The following VASN variants were observed in gnomAD, a reference collection of about 807,000 sequenced individuals.
VASN encodes the protein vasorin.
In VASN, 5 loss-of-function variants were observed where a neutral mutation model predicts 4.8. That is an observed-to-expected ratio of 1.03 (90% CI 0.54 to 2.17). The LOEUF is 2.17. Among genes scored for constraint, VASN ranks in the 30% most tolerant of loss-of-function variants. The pLI is 0.01. For synonymous variants in VASN, 499 were observed against 460.8 expected (o/e 1.08, Z -1.06); for missense variants, 927 against 948.8 (o/e 0.98, Z 0.30).
rs565386785 is a variant in VASN, at chr16:4,381,465, G to A, written c.588G>A (p.Ala196=). The part of the protein sequence containing the change: ...PGILDTANVE[A]LRLAGLGLQQ... ...TCCTGGACACTGCCAACGTGGAGGCGCTGCGGCTGGCTGGTCTGGGGCTGC... is the reference window on the plus strand; with the variant it reads ...TCCTGGACACTGCCAACGTGGAGGCACTGCGGCTGGCTGGTCTGGGGCTGC... The change falls in exon 2 of 2, where the codon GCG becomes GCA. Residue 196 remains alanine, a synonymous_variant. Coordinates refer to ENST00000304735, the MANE Select transcript of VASN (RefSeq NM_138440.3). The A allele has an allele frequency of 1.5e-5, 24 of 1,579,038 alleles. 1 individual carries two copies. The highest frequency in any genetic ancestry group is 1.7e-4 in the Middle Eastern group (1 of 5,978).
chr16:4,379,902 A>G (rs8050113), intron 1 of VASN, among the ~76,000 whole-genome samples: 1 of 135,270 alleles, frequency 7.4e-6, no homozygotes, highest in Non-Finnish European at 1.7e-5. Context: ...AAAAAAAAAT[A>G]CAAAAATTAG....
At chr16:4,375,237 C>T (rs1003589731) in intron 1 of VASN, among the ~76,000 whole-genome samples, 3 of 152,162 alleles carry the variant, frequency 2.0e-5, no homozygotes, top group Non-Finnish European at 2.9e-5. Flanking sequence ...ACTGAAGGCA[C>T]CCACCTGGGG....
intron 1 of VASN, 105 bp from the exon 2 acceptor site, chr16:4,380,764 C>G (rs904406637): frequency 7.9e-7 from 1 of 1,267,552 alleles, no homozygotes; most frequent in Non-Finnish European, 1.1e-6. Flanking sequence ...GGTTCTCTTG[C>G]ATTTGGGGGC....
chr16:4,380,932 C>G lies in VASN; in HGVS notation c.55C>G (p.Pro19Ala), dbSNP rs2054933071. Reference protein sequence around the residue: ...LPLLLLLALGPGVQGCPSGCQ... With the variant: ...LPLLLLLALGAGVQGCPSGCQ... ...GCTGCTCCTGCTACTGGCCCTGGGG[C>G]CTGGGGTGCAGGGCTGCCCATCCGG... is the stretch of plus-strand genomic sequence containing the variant. The change falls in exon 2 of 2, where the codon CCT becomes GCT. Residue 19 changes from proline to alanine, a missense_variant. Pro to Ala is a conservative substitution (Grantham distance 27). Transcript: ENST00000304735. The G allele has an allele frequency of 6.3e-7, 1 of 1,588,596 alleles. No individual in the cohort carries two copies. Among genetic ancestry groups the G allele is most frequent in the Non-Finnish European group, 8.5e-7 (1 of 1,171,108 alleles).
rs1183677476 is a variant in VASN, at chr16:4,382,840, C to T, written c.1963C>T (p.Leu655Phe). ...LPSGSECEVP[L>F]MGFPGPGLQS... The stretch of plus-strand genomic sequence containing the variant: ...CAGCGGGTCTGAGTGTGAGGTGCCA[C>T]TCATGGGCTTCCCAGGGCCTGGCCT... The change falls in exon 2 of 2, where the codon CTC becomes TTC. Residue 655 changes from leucine to phenylalanine, a missense_variant. Leu to Phe is a conservative substitution (Grantham distance 22, BLOSUM62 0). Coordinates refer to ENST00000304735, the MANE Select transcript of VASN (RefSeq NM_138440.3). 9 of 1,595,026 alleles carry T rather than the reference C, an allele frequency of 5.6e-6. No individual in the cohort carries two copies. The highest frequency in any genetic ancestry group is 4.0e-5 in the African/African-American group (3 of 74,254).
rs143265649 is a variant in VASN, at chr16:4,381,886, C to T, written c.1009C>T (p.Arg337Trp). 2.9e-5 allele frequency: 46 copies of T among 1,604,972 alleles called. No individual in the cohort carries two copies. In the Admixed American group the frequency reaches 3.0e-4, roughly 10 times the overall value. The change falls in exon 2 of 2, where the codon CGG (arginine) becomes TGG (tryptophan). Residue 337 changes from arginine (R) to tryptophan (W), a missense_variant. Coordinates refer to ENST00000304735, the MANE Select transcript of VASN (RefSeq NM_138440.3). ...CCACTTCCCGCCCAAGAACGCTGGC[C>T]GGCTGCTCCTGGAGCTTGACTACGC... ...RCHFPPKNAG[R>W]LLLELDYADF...
chr16:4,381,213 G>A lies in VASN; in HGVS notation c.336G>A (p.Leu112=), dbSNP rs145408407. The change falls in exon 2 of 2, where the codon CTG becomes CTA. Residue 112 remains leucine (L), a synonymous_variant. Transcript: ENST00000304735. ...LSNLDLTANR[L]HEITNETFRG... The stretch of plus-strand genomic sequence containing the variant: ...ACCTGGACCTGACAGCCAACAGGCT[G>A]CATGAAATCACCAATGAGACCTTCC... 30 of 1,611,964 alleles carry A rather than the reference G, an allele frequency of 1.9e-5. No individual in the cohort carries two copies. In the African/African-American group the frequency reaches 3.1e-4, roughly 16 times the overall value.
chr16:4,381,336 C>T lies in VASN; in HGVS notation c.459C>T (p.Leu153=). ...AFDTLDRLLE[L]KLQDNELRAL... ...ACACGCTCGACCGCCTCCTGGAGCT[C>T]AAGCTGCAGGACAACGAGCTGCGGG... Residue 153 remains leucine (L), a synonymous_variant, in exon 2 of 2, where the codon CTC becomes CTT. Transcript: ENST00000304735. The T allele has an allele frequency of 6.2e-7, 1 of 1,609,330 alleles. No individual in the cohort carries two copies. The highest frequency in any genetic ancestry group is 1.7e-5 in the Admixed American group (1 of 59,746).
In VASN at chr16:4,383,026, C is replaced by G. The variant is rs1256670293; in HGVS notation, c.*127C>G. The G allele has an allele frequency of 9.4e-7, 1 of 1,061,842 alleles. No individual in the cohort carries two copies. The highest frequency in any genetic ancestry group is 1.3e-6 in the Non-Finnish European group (1 of 757,122). The allele number at this position is 1,061,842 out of a possible 1,614,324, so 65.8% of individuals were successfully genotyped here. On this transcript the variant is annotated 3_prime_UTR_variant, in exon 2 of 2. Transcript: ENST00000304735. ...GATGTGTGCAGACAGGGCTGTGTGA[C>G]CACAGCTGGGCCCTGTTCCCTCTGG...
chr16:4,381,134 ACCAGATCG>A lies in VASN; in HGVS notation c.262_269del (p.Ile88ProfsTer24). 3 of 1,610,280 alleles carry A rather than the reference ACCAGATCG, an allele frequency of 1.9e-6. No individual in the cohort carries two copies. The highest frequency in any genetic ancestry group is 2.5e-6 in the Non-Finnish European group (3 of 1,178,938). On this transcript the variant is annotated frameshift_variant, in exon 2 of 2. Coordinates refer to ENST00000304735, the MANE Select transcript of VASN (RefSeq NM_138440.3). LOFTEE classifies it low-confidence loss of function (END_TRUNC). Reference sequence around the variant, plus strand: ...CTGCAGCTCCTGGACCTGTCACAGAACCAGATCGCCAGCCTGCCCAGCGGGGTCTTCCA... The same window carrying A: ...CTGCAGCTCCTGGACCTGTCACAGAACCAGCCTGCCCAGCGGGGTCTTCCA...
Position 4,382,625 on chromosome 16 carries a change from C to A in VASN, c.1748C>A (p.Ala583Asp). ...NLPLLIAPAL[A>D]AVLLAALAAV... ...CCGCTCCTCATTGCGCCCGCCCTGG[C>A]CGCGGTGCTCCTGGCCGCGCTGGCT... Residue 583 changes from alanine to aspartate, a missense_variant, in exon 2 of 2, where the codon GCC (alanine) becomes GAC (aspartate). Physicochemically the swap from Ala to Asp is moderately radical, Grantham distance 126 (BLOSUM62 -2). Coordinates refer to ENST00000304735, the MANE Select transcript of VASN (RefSeq NM_138440.3). 1 of 1,571,740 alleles carries A rather than the reference C, an allele frequency of 6.4e-7. No individual in the cohort carries two copies. Among genetic ancestry groups the A allele is most frequent in the Non-Finnish European group, 8.6e-7 (1 of 1,160,224 alleles).
chr16:4,382,117 T>C lies in VASN; in HGVS notation c.1240T>C (p.Cys414Arg). The part of the protein sequence containing the change: ...PQPQDCPPST[C>R]LNGGTCHLGT... The stretch of plus-strand genomic sequence containing the variant: ...GCCCCAGGACTGCCCACCGTCCACC[T>C]GCCTCAATGGGGGCACATGCCACCT... The change falls in exon 2 of 2, where the codon TGC becomes CGC. Residue 414 changes from cysteine (C) to arginine (R), a missense_variant. Physicochemically the swap from Cys to Arg is radical, Grantham distance 180 (BLOSUM62 -3). Transcript: ENST00000304735. 1.3e-6 allele frequency: 2 copies of C among 1,582,826 alleles called. No homozygotes were observed. Among genetic ancestry groups the C allele is most frequent in the African/African-American group, 1.3e-5 (1 of 74,242 alleles).
rs374808315 is a variant in VASN at position 4,382,187 on chromosome 16, C to T, written c.1310C>T (p.Thr437Met). The part of the protein sequence containing the change: ...HLACLCPEGF[T>M]GLYCESQMGQ... ...GCGTGCTTGTGCCCCGAAGGCTTCA[C>T]GGGCCTGTACTGTGAGAGCCAGATG... The change falls in exon 2 of 2, where the codon ACG becomes ATG. Residue 437 changes from threonine (T) to methionine (M), a missense_variant. By Grantham distance (81) the Thr-to-Met change is moderately conservative (BLOSUM62 -1). Transcript: ENST00000304735. 1.1e-5 allele frequency: 17 copies of T among 1,599,058 alleles called. No homozygotes were observed. The Admixed American group carries it at 1.2e-4, about 11-fold the overall frequency.
At chr16:4,378,994 C>T (rs2054855691) in intron 1 of VASN, among the ~76,000 whole-genome samples, 1 of 152,040 alleles carries the variant, frequency 6.6e-6, no homozygotes, top group Non-Finnish European at 1.5e-5. Context: ...TCCTTCACCT[C>T]GAGCTACCCG....
At chr16:4,373,378 C>G (rs1378784668) in intron 1 of VASN, among the ~76,000 whole-genome samples, 1 of 152,150 alleles carries the variant, frequency 6.6e-6, no homozygotes, top group Non-Finnish European at 1.5e-5. Context: ...GTCTCCTGCA[C>G]GTTGGAACAG....
rs1192477972 is a variant in VASN at position 4,381,129 on chromosome 16, A to C, written c.252A>C (p.Ser84=). ...CGGGCCTGCAGCTCCTGGACCTGTC[A>C]CAGAACCAGATCGCCAGCCTGCCCA... The part of the protein sequence containing the change: ...GLPGLQLLDL[S]QNQIASLPSG... Residue 84 remains serine (S), a synonymous_variant, in exon 2 of 2, where the codon TCA becomes TCC. Transcript: ENST00000304735. 1 of 1,610,224 alleles carries C rather than the reference A, an allele frequency of 6.2e-7. No individual in the cohort carries two copies. Among genetic ancestry groups the C allele is most frequent in the Admixed American group, 1.7e-5 (1 of 59,734 alleles).
chr16:4,377,030 A>G (rs2054757613), intron 1 of VASN, among the ~76,000 whole-genome samples: 1 of 152,134 alleles, frequency 6.6e-6, no homozygotes, highest in Non-Finnish European at 1.5e-5. Flanking sequence ...CACAGGCACC[A>G]CGAGCACCAC....
At chr16:4,372,806 G>C (rs1359850291) in intron 1 of VASN, among the ~76,000 whole-genome samples, 3 of 152,198 alleles carry the variant, frequency 2.0e-5, no homozygotes, top group South Asian at 4.1e-4. Context: ...CGCCTCCCCT[G>C]CTGTGGCCCA....
In VASN at chr16:4,382,495, C is replaced by A; in HGVS notation, c.1618C>A (p.Pro540Thr). ...CTCCGTCTGTGTCATGCCTTTGGGG[C>A]CCGGGCGGGTGCCGGAGGGCGAGGA... The part of the protein sequence containing the change: ...TYSVCVMPLG[P>T]GRVPEGEEAC... Residue 540 changes from proline (P) to threonine (T), a missense_variant, in exon 2 of 2, where the codon CCC becomes ACC. By Grantham distance (38) the Pro-to-Thr change is conservative. Transcript: ENST00000304735. 3 of 1,596,428 alleles carry A rather than the reference C, an allele frequency of 1.9e-6. No individual in the cohort carries two copies. Among genetic ancestry groups the A allele is most frequent in the Non-Finnish European group, 2.6e-6 (3 of 1,171,212 alleles).
Sources: gnomAD v4.1 joint callset for allele counts (sites outside exome capture counted in the v4.1 genomes callset) on GRCh38, gnomAD v4.1.1 for gene constraint, MANE v1.5 for transcripts, NCBI Gene and HGNC (gene_info 2026-07-23, HGNC 2026-07-21) for gene names.